SLC14A2: variants seen among roughly 807,000 people sequenced by gnomAD.
SLC14A2 encodes urea transporter 2.
In SLC14A2, 91 loss-of-function variants were observed where a neutral mutation model predicts 104.6. That is an observed-to-expected ratio of 0.87 (90% CI 0.73 to 1.04). The LOEUF (loss-of-function observed/expected upper bound fraction) is 1.04, where lower values mean the gene tolerates loss of function less well. Ranked by LOEUF, SLC14A2 falls within the 50% of genes least tolerant of loss-of-function variation. The probability of loss-of-function intolerance (pLI) is 0.00; values close to 1 mark genes in which losing one functional copy is unlikely to be tolerated. For synonymous variants in SLC14A2, 476 were observed against 466.4 expected (o/e 1.02, Z -0.27); for missense variants, 1,189 against 1,156.0 (o/e 1.03, Z -0.41).
intron 1 of SLC14A2, among the ~76,000 whole-genome samples, chr18:45,467,664 C>T (rs1012606386): frequency 7.2e-5 from 11 of 152,152 alleles, no homozygotes; most frequent in African/African-American, 2.4e-4. Context: ...CAACTGAAAA[C>T]TCATTTTACC....
At chr18:45,341,647 T>C (rs2144284532) in intron 1 of SLC14A2, among the ~76,000 whole-genome samples, 1 of 132,410 alleles carries the variant, frequency 7.6e-6, no homozygotes, top group Non-Finnish European at 1.6e-5. Flanking sequence ...CTTGGCCACC[T>C]AGTGGTGTGG....
chr18:45,193,256 A>C, the SLC14A2 span, among the ~76,000 whole-genome samples: 5 of 152,144 alleles, frequency 3.3e-5, no homozygotes, highest in Non-Finnish European at 4.4e-5. Context: ...CAGTTTATTA[A>C]ATTTTTCTTT....
chr18:45,322,678 C>T (rs1164099436), intron 1 of SLC14A2, among the ~76,000 whole-genome samples: 2 of 152,220 alleles, frequency 1.3e-5, no homozygotes, highest in African/African-American at 4.8e-5. Flanking sequence ...GTTGAACTCT[C>T]ATGAGGTATC....
chr18:45,624,715 A>T lies in SLC14A2; in HGVS notation c.51A>T (p.Arg17Ser). The part of the protein sequence containing the change: ...SPLLPEPLSS[R>S]YKLYEAEFTS... ...TCCTGCCAGAGCCACTTTCCAGCAG[A>T]TACAAACTCTACGAGGCAGAGTTTA... Residue 17 changes from arginine (R) to serine (S), a missense_variant, in exon 2 of 20, where the codon AGA (arginine) becomes AGT (serine). Physicochemically the swap from Arg to Ser is moderately radical, Grantham distance 110. Coordinates refer to ENST00000255226, the MANE Select transcript of SLC14A2 (RefSeq NM_007163.4). 6.2e-7 allele frequency: 1 copy of T among 1,613,532 alleles called. No individual in the cohort carries two copies. The highest frequency in any genetic ancestry group is 1.1e-5 in the South Asian group (1 of 90,864).
intron 1 of SLC14A2, among the ~76,000 whole-genome samples, chr18:45,475,648 T>TATATATATATATATATTTAGG (rs2087354452): frequency 8.3e-5 from 1 of 12,026 alleles, no homozygotes; most frequent in Non-Finnish European, 1.6e-4. Flanking sequence ...TTAGGATATA[T>TATATATATATATATATTTAGG]ATATATATAT....
chr18:45,254,791 A>T (rs963132822), intron 1 of SLC14A2, among the ~76,000 whole-genome samples: 2 of 152,010 alleles, frequency 1.3e-5, no homozygotes, highest in Non-Finnish European at 2.9e-5. Flanking sequence ...AGCAGCCTGG[A>T]GGGGGCCACG....
chr18:45,678,580 G>C (rs2046263526), intron 18 of SLC14A2, among the ~76,000 whole-genome samples: 1 of 152,204 alleles, frequency 6.6e-6, no homozygotes, highest in African/African-American at 2.4e-5. Context: ...CTCTTCCCTA[G>C]AAACCCATAT....
At chr18:45,481,005 A>G (rs543064635) in intron 1 of SLC14A2, among the ~76,000 whole-genome samples, 1 of 152,190 alleles carries the variant, frequency 6.6e-6, no homozygotes, top group South Asian at 2.1e-4. Flanking sequence ...TACACAAAAG[A>G]CCTGGGGCAG....
chr18:45,426,694 T>TACACACACACAC (rs1328486756), intron 1 of SLC14A2, among the ~76,000 whole-genome samples: 2 of 90,264 alleles, frequency 2.2e-5, no homozygotes, highest in South Asian at 4.9e-4. Context: ...CATATATACA[T>TACACACACACAC]ACATACACAC....
intron 1 of SLC14A2, among the ~76,000 whole-genome samples, chr18:45,216,314 C>T (rs950957174): frequency 3.3e-5 from 5 of 152,158 alleles, no homozygotes; most frequent in East Asian, 1.9e-4. Context: ...CTTCCCAAGA[C>T]GTCGATGTGT....
At chr18:45,556,663 T>G (rs1345275325) in intron 2 of SLC14A2, among the ~76,000 whole-genome samples, 1 of 152,234 alleles carries the variant, frequency 6.6e-6, no homozygotes, top group East Asian at 1.9e-4. Context: ...CAATATATAT[T>G]GTGATTTCCC....
chr18:45,392,310 G>A (rs1389807275), intron 1 of SLC14A2, among the ~76,000 whole-genome samples: 3 of 152,116 alleles, frequency 2.0e-5, no homozygotes, highest in African/African-American at 2.4e-5. Flanking sequence ...GTTTGATTTT[G>A]TTTGATCTAT....
At chr18:45,276,221 G>A (rs1842780702) in intron 1 of SLC14A2, among the ~76,000 whole-genome samples, 1 of 152,308 alleles carries the variant, frequency 6.6e-6, no homozygotes, top group East Asian at 1.9e-4. Flanking sequence ...TATTTCACAG[G>A]CGGCATATTT....
At position 45,541,744 on chromosome 18, in the gene SLC14A2, G is replaced by A. The variant is rs118145982; in HGVS notation, c.-35+58422G>A. On this transcript the variant is annotated intron_variant, in intron 2 of 20. Coordinates refer to the SLC14A2 transcript ENST00000586448. ...AAATCTGAACAAATGGGAGATAATT[G>A]GTAGGAGATACAGAGGCAGGTCAGA... Among the ~76,000 whole-genome samples the A allele has an allele frequency of 7.2e-4, 110 of 152,300 alleles. No homozygotes were observed. In the East Asian group the frequency reaches 0.017, roughly 24 times the overall value.
At chr18:45,476,270 T>C (rs1410479021) in intron 1 of SLC14A2, among the ~76,000 whole-genome samples, 1 of 152,208 alleles carries the variant, frequency 6.6e-6, no homozygotes, top group Non-Finnish European at 1.5e-5. Flanking sequence ...AAATTCTGGA[T>C]TGAAAACTCT....
At chr18:45,653,449 C>A (rs2045774497) in intron 10 of SLC14A2, among the ~76,000 whole-genome samples, 2 of 152,130 alleles carry the variant, frequency 1.3e-5, no homozygotes, top group South Asian at 4.2e-4. Flanking sequence ...TAGGCTGCCT[C>A]ACACCCCACC....
the SLC14A2 span, among the ~76,000 whole-genome samples, chr18:45,182,237 G>GA: frequency 6.6e-6 from 1 of 151,714 alleles, no homozygotes; most frequent in Non-Finnish European, 1.5e-5. Context: ...TGGTACGTTA[G>GA]AAAAAATAAT....
At chr18:45,318,797 A>G (rs1416610474) in intron 1 of SLC14A2, among the ~76,000 whole-genome samples, 2 of 151,984 alleles carry the variant, frequency 1.3e-5, no homozygotes, top group Non-Finnish European at 2.9e-5. Flanking sequence ...AAAAAAAAAA[A>G]AAAAATTCGC....
At chr18:45,484,253 G>A (rs1238025221) in intron 2 of SLC14A2, among the ~76,000 whole-genome samples, 2 of 152,084 alleles carry the variant, frequency 1.3e-5, no homozygotes, top group Admixed American at 6.5e-5. Flanking sequence ...ACCCAACTTG[G>A]CCTAAAATTG....
Sources: gnomAD v4.1 joint callset for allele counts (sites outside exome capture counted in the v4.1 genomes callset) on GRCh38, gnomAD v4.1.1 for gene constraint, MANE v1.5 for transcripts, NCBI Gene and HGNC (gene_info 2026-07-23, HGNC 2026-07-21) for gene names.